The following STAMBP variants were observed in gnomAD, a reference collection of about 807,000 sequenced individuals.
The protein encoded by STAMBP is STAM-binding protein.
Under a neutral mutation model 50.7 loss-of-function variants are expected in STAMBP, and 31 were observed. The ratio of observed to expected loss-of-function variants is 0.61; its 90% CI spans 0.46 to 0.83. The LOEUF is 0.83. Ranked by LOEUF, STAMBP falls within the 40% of genes least tolerant of loss-of-function variation. The pLI, the probability that STAMBP is intolerant of heterozygous loss-of-function variation, is 0.00. For missense variants in STAMBP, 472 were observed against 518.9 expected (o/e 0.91, Z 0.88); for synonymous variants, 211 against 192.4 (o/e 1.10, Z -0.80).
In STAMBP at chr2:73,847,647, A is replaced by T. The variant is rs749806004; in HGVS notation, c.636A>T (p.Thr212=). The part of the protein sequence containing the change: ...KPSLDVFPTL[T]VSSIQPSDCH... The stretch of plus-strand genomic sequence containing the variant: ...CCTTAGATGTGTTCCCCACCTTAAC[A>T]GTCTCATCCATACAGCCTTCAGACT... The change falls in exon 5 of 10, where the codon ACA becomes ACT. Residue 212 remains threonine, a synonymous_variant. Coordinates refer to ENST00000394070, the MANE Select transcript of STAMBP (RefSeq NM_213622.4). The T allele has an allele frequency of 6.2e-7, 1 of 1,614,220 alleles. No individual in the cohort carries two copies.
In STAMBP at chr2:73,849,371, A is replaced by G; in HGVS notation, c.751A>G (p.Ile251Val). The change falls in exon 6 of 10, where the codon ATC becomes GTC. Residue 251 changes from isoleucine to valine, a missense_variant. Transcript: ENST00000394070. ...TCCTTTCTCCTTTACAGTTCCCACAATCGATGGATTGCGCCATGTGGTGGT... is the reference window on the plus strand; with the variant it reads ...TCCTTTCTCCTTTACAGTTCCCACAGTCGATGGATTGCGCCATGTGGTGGT... ...ALSNSESIPT[I>V]DGLRHVVVPG... is the part of the protein sequence containing the mutation. 6.2e-7 allele frequency: 1 copy of G among 1,613,922 alleles called. No homozygotes were observed. Among genetic ancestry groups the G allele is most frequent in the Non-Finnish European group, 8.5e-7 (1 of 1,179,990 alleles).
chr2:73,831,603 A>G (rs1436801854), intron 2 of STAMBP, among the ~76,000 whole-genome samples: 1 of 152,216 alleles, frequency 6.6e-6, no homozygotes, highest in Non-Finnish European at 1.5e-5. Flanking sequence ...CAGCATAAGT[A>G]GAAGATTTCA....
chr2:73,858,076 G>C (rs1045424081), intron 7 of STAMBP, among the ~76,000 whole-genome samples: 2 of 151,248 alleles, frequency 1.3e-5, no homozygotes, highest in Non-Finnish European at 2.9e-5. Flanking sequence ...TCCACCTCCC[G>C]GGTTCATGCT....
Position 73,848,756 on chromosome 2 carries a change from C to T in STAMBP, c.743-607C>T, listed in dbSNP as rs186656984. Among the ~76,000 whole-genome samples the T allele has an allele frequency of 1.9e-4, 29 of 152,266 alleles. 1 individual carries two copies. In the East Asian group the frequency reaches 5.6e-3, roughly 29 times the overall value. On this transcript the variant is annotated intron_variant, in intron 5 of 9. Transcript: ENST00000394070. ...AATTTTGCATTAGGAATTAAGTTTCCAAAACATGAACTTTGGGAGACACAG... is the reference window on the plus strand; with the variant it reads ...AATTTTGCATTAGGAATTAAGTTTCTAAAACATGAACTTTGGGAGACACAG...
chr2:73,846,693 A>G (rs749511444), intron 4 of STAMBP, among the ~76,000 whole-genome samples: 8 of 152,078 alleles, frequency 5.3e-5, no homozygotes, highest in Admixed American at 1.3e-4. Context: ...GTTCTATTTT[A>G]TAGCCTTACT....
Position 73,837,306 on chromosome 2 carries a change from C to T in STAMBP, c.203+6247C>T, listed in dbSNP as rs114739827. On this transcript the variant is annotated intron_variant, in intron 2 of 9. Transcript: ENST00000394070. The stretch of plus-strand genomic sequence containing the variant: ...ATGCATTGATAAAGAACACATTAGG[C>T]CGGGCACAGTGGCTCACGCCTGTAA... Among the ~76,000 whole-genome samples the T allele has an allele frequency of 2.2e-3, 342 of 152,274 alleles. 2 individuals carry two copies. The highest frequency in any genetic ancestry group is 7.5e-3 in the African/African-American group (312 of 41,564).
At chr2:73,832,106 T>TACAC (rs201562955) in intron 2 of STAMBP, among the ~76,000 whole-genome samples, 1,357 of 127,932 alleles carry the variant, frequency 0.011, 50 homozygotes, top group African/African-American at 0.041. Context: ...TATATATATA[T>TACAC]ATACACATAT....
intron 2 of STAMBP, among the ~76,000 whole-genome samples, chr2:73,835,892 C>T (rs1435372998): frequency 6.6e-6 from 1 of 151,916 alleles, no homozygotes; most frequent in African/African-American, 2.4e-5. Flanking sequence ...AGTCTGAACT[C>T]AGAAGACTGA....
chr2:73,852,719 G>A (rs1023731356), intron 7 of STAMBP, among the ~76,000 whole-genome samples: 4 of 152,060 alleles, frequency 2.6e-5, no homozygotes, highest in Admixed American at 2.0e-4. Flanking sequence ...TCACACTGTC[G>A]CCCAGGTTGG....
intron 4 of STAMBP, 22 bp from the exon 5 acceptor site, chr2:73,847,365 C>G (rs1236740759): frequency 6.4e-7 from 1 of 1,573,418 alleles, no homozygotes; most frequent in African/African-American, 1.4e-5. Context: ...GAAGTGTTAG[C>G]CTAAATTTTC....
chr2:73,847,826 A>G, intron 5 of STAMBP, 73 bp downstream of exon 5: 1 of 1,527,672 alleles, frequency 6.5e-7, no homozygotes, highest in South Asian at 1.3e-5. Context: ...GGGTCAACCT[A>G]AGATTACCTC....
intron 2 of STAMBP, among the ~76,000 whole-genome samples, chr2:73,832,756 C>G (rs370933535): frequency 2.0e-5 from 3 of 152,252 alleles, no homozygotes; most frequent in East Asian, 1.9e-4. Context: ...CAGTATCCCC[C>G]CTCCCCGCAG....
rs1205978497 is a variant in STAMBP, at chr2:73,833,248, CTTATG to C, written c.203+2193_203+2197del. Among the ~76,000 whole-genome samples, 12 of 152,318 alleles carry C rather than the reference CTTATG, an allele frequency of 7.9e-5. No homozygotes were observed. The East Asian group carries it at 1.2e-3, about 15-fold the overall frequency. On this transcript the variant is annotated intron_variant, in intron 2 of 9. Coordinates refer to ENST00000394070, the MANE Select transcript of STAMBP (RefSeq NM_213622.4). ...TATTTGTTACACTTGTAACCTAACT[CTTATG>C]TTAAGTTACAGTTTGTTTATACATT...
intron 2 of STAMBP, 97 bp downstream of exon 2, chr2:73,831,156 A>T (rs1043404325): frequency 4.6e-5 from 45 of 982,184 alleles, no homozygotes; most frequent in Non-Finnish European, 6.3e-5. Context: ...CAATATCATC[A>T]ACATTAATCA....
At chr2:73,856,641 A>G (rs1677584296) in intron 7 of STAMBP, among the ~76,000 whole-genome samples, 2 of 152,226 alleles carry the variant, frequency 1.3e-5, no homozygotes, top group Non-Finnish European at 2.9e-5. Context: ...GATGCCCATC[A>G]TGACAACCCC....
At chr2:73,835,399 G>T (rs1264641809) in intron 2 of STAMBP, among the ~76,000 whole-genome samples, 1 of 151,872 alleles carries the variant, frequency 6.6e-6, no homozygotes, top group Non-Finnish European at 1.5e-5. Flanking sequence ...GCCCAGGCTG[G>T]TCTCGAACTC....
Position 73,850,260 on chromosome 2 carries a change from C to T in STAMBP, c.868-116C>T. 7.4e-7 allele frequency: 1 copy of T among 1,346,358 alleles called. No homozygotes were observed. Among genetic ancestry groups the T allele is most frequent in the Admixed American group, 2.4e-5 (1 of 40,862 alleles). The allele number at this position is 1,346,358 out of a possible 1,614,324, so 83.4% of individuals were successfully genotyped here. A position where few individuals can be genotyped will look rare whatever the true frequency, so the allele number is the denominator to read the frequency against. ...GAACCACTGAGTGGCAGGACTCCTG[C>T]TGTGTGGGAAGGGCTTTCACTTGTA... On this transcript the variant is annotated intron_variant, in intron 6 of 9. Transcript: ENST00000394070. The surrounding 1 kb of genome is among the most constrained non-coding windows in gnomAD (Gnocchi z 4.3).
chr2:73,829,483 C>T lies in STAMBP; in HGVS notation c.-40C>T, dbSNP rs932198560. On this transcript the variant is annotated 5_prime_UTR_variant, in exon 1 of 10. Coordinates refer to ENST00000394070, the MANE Select transcript of STAMBP (RefSeq NM_213622.4). The stretch of plus-strand genomic sequence containing the variant: ...CCTGGCCTTGGGAGGTGGTTCCTTT[C>T]TTAACCCACAAGAACCTCTCCCAAG... The T allele has an allele frequency of 6.6e-6, 1 of 152,180 alleles. No homozygotes were observed. Among genetic ancestry groups the T allele is most frequent in the Non-Finnish European group, 1.5e-5 (1 of 68,054 alleles). 9.4% of individuals were successfully genotyped at this position (152,180 alleles called of 1,614,324 possible). A position where few individuals can be genotyped will look rare whatever the true frequency, so the allele number is the denominator to read the frequency against.
At position 73,847,660 on chromosome 2, in the gene STAMBP, C is replaced by T. The variant is rs1553382055; in HGVS notation, c.649C>T (p.Gln217Ter). 6.2e-7 allele frequency: 1 copy of T among 1,614,240 alleles called. No individual in the cohort carries two copies. The highest frequency in any genetic ancestry group is 8.5e-7 in the Non-Finnish European group (1 of 1,180,042). The change falls in exon 5 of 10, where the codon CAG becomes TAG. Residue 217 changes from glutamine to a stop codon, truncating the protein, a stop_gained. Coordinates refer to ENST00000394070, the MANE Select transcript of STAMBP (RefSeq NM_213622.4). LOFTEE classifies it high-confidence loss of function. Reference protein sequence around the residue: ...VFPTLTVSSIQPSDCHTTVRP... With the variant: ...VFPTLTVSSI ...CCCCACCTTAACAGTCTCATCCATA[C>T]AGCCTTCAGACTGTCACACAACTGT...
Sources: allele counts gnomAD v4.1 joint callset (sites outside exome capture counted in the v4.1 genomes callset), GRCh38; gene constraint gnomAD v4.1.1; non-coding constraint Gnocchi (gnomAD v3.1); transcripts MANE v1.5; gene names NCBI Gene and HGNC (gene_info 2026-07-23, HGNC 2026-07-21).